The following KAZN variants were observed in gnomAD, a reference collection of about 807,000 sequenced individuals.
The protein encoded by KAZN is kazrin.
A neutral mutation model predicts 87.4 loss-of-function variants in KAZN; 40 were observed. That is an observed-to-expected ratio of 0.46 (90% CI 0.36 to 0.60). KAZN has a LOEUF of 0.60. Ranked by LOEUF, KAZN falls within the 20% of genes least tolerant of loss-of-function variation. KAZN has a pLI of 0.00. For missense variants in KAZN, 898 were observed against 1,073.9 expected, an observed-to-expected ratio of 0.84 and a Z score of 2.29; for synonymous variants, 466 against 458.3, an observed-to-expected ratio of 1.02 and a Z score of -0.22.
At chr1:14,493,605 A>G (rs1437459600) in intron 2 of KAZN, among the ~76,000 whole-genome samples, 1 of 152,224 alleles carries the variant, frequency 6.6e-6, no homozygotes, top group African/African-American at 2.4e-5. Context: ...GAGTTTTGCC[A>G]GAATGTGCCT....
intron 1 of KAZN, among the ~76,000 whole-genome samples, chr1:14,860,252 C>T (rs770315288): frequency 1.3e-5 from 2 of 151,898 alleles, no homozygotes; most frequent in Non-Finnish European, 1.5e-5. Flanking sequence ...AGTGCAGTGG[C>T]GTGATCTCAG....
intron 1 of KAZN, among the ~76,000 whole-genome samples, chr1:14,113,119 G>A (rs1174551957): frequency 6.6e-6 from 1 of 150,922 alleles, no homozygotes; most frequent in East Asian, 2.0e-4. Flanking sequence ...TCTAGGAGGT[G>A]CTCCTTCCTT....
At position 14,718,672 on chromosome 1, in the gene KAZN, G is replaced by A. The variant is rs1055054946; in HGVS notation, c.226+119449G>A. 6.6e-5 allele frequency among the ~76,000 whole-genome samples: 10 copies of A among 152,142 alleles called. No homozygotes were observed. In the South Asian group the frequency reaches 2.1e-3, roughly 32 times the overall value. On this transcript the variant is annotated intron_variant, in intron 1 of 14. Coordinates refer to ENST00000376030, the MANE Select transcript of KAZN (RefSeq NM_201628.3). ...AAGCTGTAGGTGTTTAGCACACGCG[G>A]GCAGTGCCAAGGACCTCACATGGCG...
At chr1:14,744,564 C>A (rs1644208913) in intron 1 of KAZN, among the ~76,000 whole-genome samples, 1 of 151,738 alleles carries the variant, frequency 6.6e-6, no homozygotes, top group Non-Finnish European at 1.5e-5. Context: ...TCCTGGTACT[C>A]TACACAAAAT....
chr1:14,405,605 A>AGTGTGTGTGTGT (rs1553167624), intron 2 of KAZN, among the ~76,000 whole-genome samples: 9 of 86,176 alleles, frequency 1.0e-4, no homozygotes, highest in South Asian at 4.2e-4. Flanking sequence ...GACCCAATAA[A>AGTGTGTGTGTGT]ATGTGTGTGT....
At chr1:14,055,769 T>G (rs1225070058) in intron 1 of KAZN, among the ~76,000 whole-genome samples, 1 of 152,288 alleles carries the variant, frequency 6.6e-6, no homozygotes, top group South Asian at 2.1e-4. Flanking sequence ...ATCTCTACTC[T>G]TCTAGTCCAC....
At chr1:14,201,997 AT>A (rs1323791467) in intron 2 of KAZN, among the ~76,000 whole-genome samples, 1 of 152,014 alleles carries the variant, frequency 6.6e-6, no homozygotes, top group Middle Eastern at 3.2e-3. Flanking sequence ...TACTTATTTT[AT>A]TTTCACAAAC....
chr1:14,389,814 T>TA (rs963496228), intron 2 of KAZN, among the ~76,000 whole-genome samples: 27 of 152,022 alleles, frequency 1.8e-4, no homozygotes, highest in Non-Finnish European at 4.4e-5. Flanking sequence ...GTGATTATAG[T>TA]AAAAAAATAA....
intron 1 of KAZN, among the ~76,000 whole-genome samples, chr1:13,983,450 GCT>G (rs1462282411): frequency 6.6e-6 from 1 of 152,256 alleles, no homozygotes; most frequent in African/African-American, 2.4e-5. Flanking sequence ...CCGGCCGGCT[GCT>G]CTGAGTGCAG....
intron 1 of KAZN, among the ~76,000 whole-genome samples, chr1:14,665,362 A>G (rs1639466237): frequency 6.6e-6 from 1 of 151,666 alleles, no homozygotes; most frequent in Non-Finnish European, 1.5e-5. Flanking sequence ...TTTTCATCCC[A>G]TGGACTAGTT....
At chr1:14,444,306 ATTTTTTTTT>A (rs35461813) in intron 2 of KAZN, among the ~76,000 whole-genome samples, 2 of 95,238 alleles carry the variant, frequency 2.1e-5, no homozygotes, top group African/African-American at 4.5e-5. Flanking sequence ...TAAATTCATG[ATTTTTTTTT>A]TTTTTTTTTT....
intron 2 of KAZN, among the ~76,000 whole-genome samples, chr1:14,976,780 G>A (rs896060584): frequency 6.6e-6 from 1 of 152,158 alleles, no homozygotes; most frequent in Non-Finnish European, 1.5e-5. Context: ...TAGGCAGGGC[G>A]CGGTGGCTCA....
intron 2 of KAZN, among the ~76,000 whole-genome samples, chr1:14,387,167 C>G (rs1051242609): frequency 6.6e-6 from 1 of 152,180 alleles, no homozygotes; most frequent in African/African-American, 2.4e-5. Flanking sequence ...GCTCCATCAG[C>G]TCCTTTAAGC....
At chr1:14,410,134 T>C (rs1234149298) in intron 2 of KAZN, among the ~76,000 whole-genome samples, 1 of 152,212 alleles carries the variant, frequency 6.6e-6, no homozygotes, top group African/African-American at 2.4e-5. Context: ...GAGAGGGTCT[T>C]GCTCTGTCAC....
rs538580891 is a variant in KAZN at position 13,905,381 on chromosome 1, C to T, written c.91+11625C>T. ...TGTTAATTTCCAGGCTGGATATTTC[C>T]ATACATTCCCTGGTAGTATAAATTT... On this transcript the variant is annotated intron_variant, in intron 1 of 16. Transcript: ENST00000636203. Among the ~76,000 whole-genome samples the T allele has an allele frequency of 2.4e-4, 36 of 152,272 alleles. 1 individual carries two copies. The highest frequency in any genetic ancestry group is 1.7e-3 in the East Asian group (9 of 5,184).
intron 2 of KAZN, among the ~76,000 whole-genome samples, chr1:14,552,656 G>A (rs1673613146): frequency 6.6e-6 from 1 of 152,178 alleles, no homozygotes; most frequent in South Asian, 2.1e-4. Context: ...TGCAAGTCTG[G>A]GCATGAGCAT....
At chr1:14,228,103 ACT>A (rs1265548367) in intron 2 of KAZN, among the ~76,000 whole-genome samples, 1 of 149,488 alleles carries the variant, frequency 6.7e-6, no homozygotes, top group African/African-American at 2.5e-5. Context: ...CTTAGTCCTC[ACT>A]CTACACACTT....
chr1:14,414,505 C>T (rs1262409595), intron 2 of KAZN, among the ~76,000 whole-genome samples: 2 of 152,038 alleles, frequency 1.3e-5, no homozygotes, highest in Non-Finnish European at 2.9e-5. Context: ...ATGGATGAAA[C>T]TGTAGAAACA....
At chr1:14,745,616 T>C (rs1644243429) in intron 1 of KAZN, among the ~76,000 whole-genome samples, 1 of 152,150 alleles carries the variant, frequency 6.6e-6, no homozygotes, top group Admixed American at 6.5e-5. Flanking sequence ...GCTATACACT[T>C]GGCATGGGTT....
Sources: gnomAD v4.1 joint callset for allele counts (sites outside exome capture counted in the v4.1 genomes callset) on GRCh38, gnomAD v4.1.1 for gene constraint, MANE v1.5 for transcripts, NCBI Gene and HGNC (gene_info 2026-07-23, HGNC 2026-07-21) for gene names.